The following PSD4 variants were observed in gnomAD, a reference collection of about 807,000 sequenced individuals.
PSD4 encodes PH and SEC7 domain-containing protein 4.
PSD4 carries 59 observed loss-of-function variants against 112.5 expected under a neutral mutation model. The ratio of observed to expected loss-of-function variants is 0.52; its 90% CI spans 0.43 to 0.65. The LOEUF (loss-of-function observed/expected upper bound fraction) is 0.65, where lower values mean the gene tolerates loss of function less well. PSD4 is among the 30% of genes least tolerant of loss of function. PSD4 has a pLI of 0.00. For missense variants in PSD4, 1,267 were observed against 1,352.6 expected (o/e 0.94, Z 0.99); for synonymous variants, 533 against 540.0 (o/e 0.99, Z 0.18).
chr2:113,175,123 T>TG (rs1490317297), intron 1 of PSD4: 1 of 152,352 alleles, frequency 6.6e-6, no homozygotes, highest in African/African-American at 2.4e-5. Context: ...GTGAGGGATG[T>TG]GGGGTGAGAG....
intron 10 of PSD4, among the ~76,000 whole-genome samples, chr2:113,194,776 A>G (rs1688549146): frequency 6.6e-6 from 1 of 152,246 alleles, no homozygotes; most frequent in Non-Finnish European, 1.5e-5. Context: ...AAAATGATAC[A>G]TCTGTATAGG....
chr2:113,197,839 C>T lies in PSD4; in HGVS notation c.2550C>T (p.Ala850=), dbSNP rs1389251429. ...TGCACCACTCGCTGGCCACCCCCGCCACGCATTACACCAAGAAGCCGCACG... is the reference window on the plus strand; with the variant it reads ...TGCACCACTCGCTGGCCACCCCCGCTACGCATTACACCAAGAAGCCGCACG... The part of the protein sequence containing the change: ...VGVHHSLATP[A]THYTKKPHVF... The change falls in exon 14 of 17, where the codon GCC becomes GCT. Residue 850 remains alanine, a synonymous_variant. Coordinates refer to ENST00000245796, the MANE Select transcript of PSD4 (RefSeq NM_012455.3). 6.2e-7 allele frequency: 1 copy of T among 1,610,470 alleles called. No individual in the cohort carries two copies. Among genetic ancestry groups the T allele is most frequent in the African/African-American group, 1.3e-5 (1 of 74,832 alleles).
intron 5 of PSD4, 105 bp from the exon 6 acceptor site, chr2:113,192,275 C>T (rs1688462916): frequency 2.7e-6 from 3 of 1,117,638 alleles, no homozygotes; most frequent in South Asian, 1.4e-5. Context: ...GGCCTGGGTC[C>T]AGCTCCTCCG....
At position 113,185,381 on chromosome 2, in the gene PSD4, A is replaced by T. The variant is rs1228458227; in HGVS notation, c.1190A>T (p.Glu397Val). Residue 397 changes from glutamate (E) to valine (V), a missense_variant, in exon 4 of 17, where the codon GAG becomes GTG. Physicochemically the swap from Glu to Val is moderately radical, Grantham distance 121 (BLOSUM62 -2). Coordinates refer to ENST00000245796, the MANE Select transcript of PSD4 (RefSeq NM_012455.3). ...TCTCAACAGGCCTCTCTCAGCCCTG[A>T]GGGCTGGCAGAGAGGAGGTCCTTTT... Reference protein sequence around the residue: ...PVQPWASLSPEGWQRGGPFWP... With the variant: ...PVQPWASLSPVGWQRGGPFWP... The T allele has an allele frequency of 6.2e-7, 1 of 1,614,074 alleles. No homozygotes were observed. The highest frequency in any genetic ancestry group is 8.5e-7 in the Non-Finnish European group (1 of 1,180,014).
At chr2:113,182,198 C>T in intron 1 of PSD4, 148 bp from the exon 2 acceptor site, 1 of 438,726 alleles carries the variant, frequency 2.3e-6, no homozygotes, top group Non-Finnish European at 4.1e-6. Flanking sequence ...TGGTACACTC[C>T]TTACTCCCAG....
At chr2:113,176,758 A>G (rs1687991736) in intron 1 of PSD4, among the ~76,000 whole-genome samples, 1 of 152,212 alleles carries the variant, frequency 6.6e-6, no homozygotes, top group African/African-American at 2.4e-5. Flanking sequence ...CAAGTAAACC[A>G]AGAAAATTTT....
chr2:113,176,657 C>A (rs1292279995), intron 1 of PSD4, among the ~76,000 whole-genome samples: 1 of 152,210 alleles, frequency 6.6e-6, no homozygotes, highest in Non-Finnish European at 1.5e-5. Flanking sequence ...TCCTTTGCTG[C>A]GAATTCCTTT....
intron 15 of PSD4, 63 bp from the exon 16 acceptor site, chr2:113,199,020 C>A: frequency 6.6e-7 from 1 of 1,510,134 alleles, no homozygotes; most frequent in South Asian, 1.2e-5. Flanking sequence ...GCGGCGCGCC[C>A]GGGCCCGGAA....
At chr2:113,181,413 G>A (rs937865521) in intron 1 of PSD4, among the ~76,000 whole-genome samples, 25 of 152,290 alleles carry the variant, frequency 1.6e-4, no homozygotes, top group Admixed American at 3.9e-4. Flanking sequence ...TGCTCTGAGA[G>A]CCGTGTAAGC....
chr2:113,196,431 GT>G, intron 12 of PSD4, 124 bp downstream of exon 12: 1 of 1,262,808 alleles, frequency 7.9e-7, no homozygotes, highest in Non-Finnish European at 1.1e-6. Context: ...GCCAGCCCAT[GT>G]TCCTTCCTCA....
chr2:113,201,362 G>A lies in PSD4; in HGVS notation c.3118G>A (p.Glu1040Lys). The A allele has an allele frequency of 6.2e-7, 1 of 1,614,164 alleles. No individual in the cohort carries two copies. Among genetic ancestry groups the A allele is most frequent in the Non-Finnish European group, 8.5e-7 (1 of 1,180,018 alleles). ...TTAKVKRNISERRTYRKIIPK... is the reference protein window; with the variant it reads ...TTAKVKRNISKRRTYRKIIPK... ...GGCCAAGGTGAAGCGCAACATCTCA[G>A]AGCGCAGAACCTACCGGAAGATCAT... Residue 1040 changes from glutamate (E) to lysine (K), a missense_variant, in exon 17 of 17, where the codon GAG becomes AAG. Glu to Lys is a moderately conservative substitution (Grantham distance 56, BLOSUM62 1). This residue lies in a region of PSD4 where 544 missense variants were observed against 648.6 expected (regional missense o/e 0.84). Transcript: ENST00000245796.
chr2:113,179,191 C>T (rs1169253382), intron 1 of PSD4, among the ~76,000 whole-genome samples: 2 of 152,136 alleles, frequency 1.3e-5, no homozygotes, highest in Non-Finnish European at 2.9e-5. Context: ...TCCTGAGGCT[C>T]CTCATCCCTT....
intron 12 of PSD4, 144 bp from the exon 13 acceptor site, chr2:113,197,420 G>T (rs1185231293): frequency 1.2e-6 from 1 of 813,088 alleles, no homozygotes; most frequent in Non-Finnish European, 2.1e-6. Flanking sequence ...TTCTTGTGTT[G>T]GCATGTTCTG....
Position 113,207,291 on chromosome 2 carries a change from G to C in PSD4, c.*5876G>C, listed in dbSNP as rs1429569736. 6.6e-6 allele frequency: 1 copy of C among 152,212 alleles called. No individual in the cohort carries two copies. Among genetic ancestry groups the C allele is most frequent in the East Asian group, 1.9e-4 (1 of 5,176 alleles). The allele number at this position is 152,212 out of a possible 1,614,324, so 9.4% of individuals were successfully genotyped here. Reference sequence around the variant, plus strand: ...CCACCAAAACATAGGGACCAGCTGTGGAGAAATTGTGAGTACTGGAAGGAC... The same window carrying C: ...CCACCAAAACATAGGGACCAGCTGTCGAGAAATTGTGAGTACTGGAAGGAC... On this transcript the variant is annotated 3_prime_UTR_variant, in exon 17 of 17. Coordinates refer to ENST00000245796, the MANE Select transcript of PSD4 (RefSeq NM_012455.3).
At position 113,186,203 on chromosome 2, in the gene PSD4, C is replaced by G; in HGVS notation, c.1576C>G (p.Pro526Ala). 1 of 1,611,496 alleles carries G rather than the reference C, an allele frequency of 6.2e-7. No individual in the cohort carries two copies. Among genetic ancestry groups the G allele is most frequent in the Non-Finnish European group, 8.5e-7 (1 of 1,178,422 alleles). Residue 526 changes from proline (P) to alanine (A), a missense_variant, in exon 5 of 17, where the codon CCT becomes GCT. Transcript: ENST00000245796. ...AGTAAAGAGTGAAGGAACAGCCAGGCCTGCAGAGACTGGAGACGTCCAGCC... is the reference window on the plus strand; with the variant it reads ...AGTAAAGAGTGAAGGAACAGCCAGGGCTGCAGAGACTGGAGACGTCCAGCC... ...EEVKSEGTAR[P>A]AETGDVQPDI...
intron 1 of PSD4, among the ~76,000 whole-genome samples, chr2:113,176,836 C>T (rs17043057): frequency 0.013 from 1,987 of 152,288 alleles, 39 homozygotes; most frequent in African/African-American, 0.045. Context: ...TGCCATCCTA[C>T]CTCAGGGATC....
At chr2:113,178,561 TGC>T (rs1688038460) in intron 1 of PSD4, among the ~76,000 whole-genome samples, 1 of 151,972 alleles carries the variant, frequency 6.6e-6, no homozygotes, top group Non-Finnish European at 1.5e-5. Context: ...CATATCTATT[TGC>T]AAGTACATAT....
At chr2:113,187,725 C>T (rs142782099) in intron 5 of PSD4, among the ~76,000 whole-genome samples, 74 of 152,298 alleles carry the variant, frequency 4.9e-4, no homozygotes, top group Non-Finnish European at 8.7e-4. Flanking sequence ...GAAGTTGAAC[C>T]AGTAAGCAGG....
Position 113,197,759 on chromosome 2 carries a change from C to T in PSD4, c.2470C>T (p.His824Tyr), listed in dbSNP as rs1049316790. The change falls in exon 14 of 17, where the codon CAC (histidine) becomes TAC (tyrosine). Residue 824 changes from histidine to tyrosine, a missense_variant. Coordinates refer to ENST00000245796, the MANE Select transcript of PSD4 (RefSeq NM_012455.3). ...VLYFLKQGED[H>Y]CLEGESLVGQ... ...CTGTGACTGGTAGCAGGGAGAAGAC[C>T]ACTGTCTGGAGGGGGAGAGCTTGGT... 1.2e-6 allele frequency: 2 copies of T among 1,608,886 alleles called. No individual in the cohort carries two copies. The highest frequency in any genetic ancestry group is 2.7e-5 in the African/African-American group (2 of 74,818).
Sources: allele counts gnomAD v4.1 joint callset (sites outside exome capture counted in the v4.1 genomes callset), GRCh38; gene constraint gnomAD v4.1.1; regional missense constraint gnomAD v4.1.1; transcripts MANE v1.5; gene names NCBI Gene and HGNC (gene_info 2026-07-23, HGNC 2026-07-21).